Variants in TENM3 observed in about 807,000 individuals in gnomAD.
TENM3 encodes teneurin-3.
In TENM3, 63 loss-of-function variants were observed where a neutral mutation model predicts 255.1. That is an observed-to-expected ratio of 0.25 (90% CI 0.20 to 0.30). TENM3 has a LOEUF of 0.30. TENM3 is among the 10% of genes least tolerant of loss of function. TENM3 has a pLI of 1.00. For synonymous variants in TENM3, 1,306 were observed against 1,322.3 expected, an observed-to-expected ratio of 0.99 and a Z score of 0.27; for missense variants, 2,929 against 3,461.1, an observed-to-expected ratio of 0.85 and a Z score of 3.86.
chr4:182,708,736 T>C (rs1758499150), intron 12 of TENM3, among the ~76,000 whole-genome samples: 1 of 149,654 alleles, frequency 6.7e-6, no homozygotes, highest in Non-Finnish European at 1.5e-5. Context: ...AGGCGGAGCT[T>C]GCAGTGAGCG....
intron 1 of TENM3, among the ~76,000 whole-genome samples, chr4:182,255,724 A>G (rs1579915952): frequency 6.6e-6 from 1 of 152,168 alleles, no homozygotes; most frequent in African/African-American, 2.4e-5. Flanking sequence ...GCTTATGTGT[A>G]TGGGGAGAGG....
chr4:182,351,464 A>AC (rs1352050649), intron 3 of TENM3, among the ~76,000 whole-genome samples: 1 of 152,030 alleles, frequency 6.6e-6, no homozygotes, highest in Non-Finnish European at 1.5e-5. Context: ...TGTGACAGTT[A>AC]CCCCCTGAAT....
the TENM3 span, among the ~76,000 whole-genome samples, chr4:181,551,367 A>C: frequency 6.6e-6 from 1 of 152,154 alleles, no homozygotes; most frequent in South Asian, 2.1e-4. Flanking sequence ...GCAGATACAC[A>C]CTCAGGGACT....
chr4:182,050,674 C>T, the TENM3 span, among the ~76,000 whole-genome samples: 1 of 152,078 alleles, frequency 6.6e-6, no homozygotes, highest in East Asian at 1.9e-4. Context: ...CATGGCGGTG[C>T]ACACCTGTAA....
At chr4:181,906,115 C>T in the TENM3 span, 2 of 302,870 alleles carry the variant, frequency 6.6e-6, no homozygotes, top group Non-Finnish European at 1.3e-5. Context: ...GATAAAATGG[C>T]AGGCAGGGCA....
At chr4:181,669,638 C>T in the TENM3 span, among the ~76,000 whole-genome samples, 1 of 152,048 alleles carries the variant, frequency 6.6e-6, no homozygotes, top group Admixed American at 6.6e-5. Context: ...GACCAGATAC[C>T]CCCAGCGTAT....
chr4:181,872,222 A>C, the TENM3 span, among the ~76,000 whole-genome samples: 1 of 151,584 alleles, frequency 6.6e-6, no homozygotes, highest in Non-Finnish European at 1.5e-5. Flanking sequence ...TTTTCATTGC[A>C]ATTTAAATAT....
the TENM3 span, among the ~76,000 whole-genome samples, chr4:181,812,488 T>A: frequency 1.3e-5 from 2 of 152,294 alleles, no homozygotes; most frequent in South Asian, 4.1e-4. Context: ...ACCCAAAGGG[T>A]CTTTTTAAAA....
chr4:182,098,962 TC>T, the TENM3 span, among the ~76,000 whole-genome samples: 23 of 145,568 alleles, frequency 1.6e-4, 1 homozygote, highest in East Asian at 3.9e-4. Context: ...ACTCTTTTTT[TC>T]TTTTTTTTTT....
rs188800551 is a variant in TENM3, at chr4:182,717,469, T to C, written c.2368+3236T>C. ...AGAGCTAAGGGCAATCTGTTACCCGTAATAAGGGCCCTGACAAAGGTCTCC... is the reference window on the plus strand; with the variant it reads ...AGAGCTAAGGGCAATCTGTTACCCGCAATAAGGGCCCTGACAAAGGTCTCC... On this transcript the variant is annotated intron_variant, in intron 13 of 27. Coordinates refer to ENST00000511685, the MANE Select transcript of TENM3 (RefSeq NM_001080477.4). Among the ~76,000 whole-genome samples the C allele has an allele frequency of 1.1e-4, 16 of 152,300 alleles. No individual in the cohort carries two copies. The East Asian group carries it at 2.1e-3, about 20-fold the overall frequency.
At chr4:181,762,127 G>C in the TENM3 span, among the ~76,000 whole-genome samples, 2 of 152,122 alleles carry the variant, frequency 1.3e-5, no homozygotes, top group African/African-American at 4.8e-5. Context: ...TCAGAAGGGA[G>C]TAAAAGAAAC....
chr4:181,940,670 A>T, the TENM3 span, among the ~76,000 whole-genome samples: 1 of 152,220 alleles, frequency 6.6e-6, no homozygotes, highest in South Asian at 2.1e-4. Context: ...CAAAGACTCC[A>T]CAAAGGTGAA....
intron 13 of TENM3, among the ~76,000 whole-genome samples, chr4:182,728,112 G>T (rs1760375555): frequency 1.3e-5 from 2 of 152,112 alleles, no homozygotes; most frequent in Non-Finnish European, 1.5e-5. Flanking sequence ...GCCTCCCAGA[G>T]TGCTGGGATT....
At chr4:182,540,519 G>A (rs539194621) in intron 3 of TENM3, among the ~76,000 whole-genome samples, 20 of 152,208 alleles carry the variant, frequency 1.3e-4, no homozygotes, top group African/African-American at 3.9e-4. Context: ...CCCAGGAGGC[G>A]GAGGTTACGG....
chr4:182,257,260 T>C (rs1364254231), intron 1 of TENM3, among the ~76,000 whole-genome samples: 1 of 152,242 alleles, frequency 6.6e-6, no homozygotes, highest in Non-Finnish European at 1.5e-5. Context: ...GAACCTCTGC[T>C]TAATGGTAAT....
the TENM3 span, among the ~76,000 whole-genome samples, chr4:181,961,602 G>T: frequency 2.0e-5 from 3 of 152,044 alleles, no homozygotes. Flanking sequence ...TGTGTTTTTA[G>T]TAGAGACGGG....
At chr4:181,681,994 A>C in the TENM3 span, among the ~76,000 whole-genome samples, 1 of 152,134 alleles carries the variant, frequency 6.6e-6, no homozygotes, top group East Asian at 1.9e-4. Flanking sequence ...CAAATGTCAT[A>C]CATGAAAGTT....
At chr4:181,993,067 T>C in the TENM3 span, among the ~76,000 whole-genome samples, 1 of 152,138 alleles carries the variant, frequency 6.6e-6, no homozygotes, top group Non-Finnish European at 1.5e-5. Flanking sequence ...AAAGACATAA[T>C]TGCCTGTAAG....
At chr4:181,799,991 G>A in the TENM3 span, among the ~76,000 whole-genome samples, 1 of 152,166 alleles carries the variant, frequency 6.6e-6, no homozygotes, top group South Asian at 2.1e-4. Flanking sequence ...GAATAAGGTG[G>A]CTGATGGAGC....
Sources: gnomAD v4.1 joint callset for allele counts (sites outside exome capture counted in the v4.1 genomes callset) on GRCh38, gnomAD v4.1.1 for gene constraint, MANE v1.5 for transcripts, NCBI Gene and HGNC (gene_info 2026-07-23, HGNC 2026-07-21) for gene names.